The following FAM184A variants were observed in gnomAD, a reference collection of about 807,000 sequenced individuals.
FAM184A encodes protein FAM184A.
Under a neutral mutation model 143.8 loss-of-function variants are expected in FAM184A, and 99 were observed. The ratio of observed to expected loss-of-function variants is 0.69; its 90% CI spans 0.58 to 0.81. The LOEUF is 0.81. FAM184A is among the 40% of genes least tolerant of loss of function. The probability of loss-of-function intolerance (pLI) is 0.00; values close to 1 mark genes in which losing one functional copy is unlikely to be tolerated. For missense variants in FAM184A, 1,217 were observed against 1,310.5 expected (o/e 0.93, Z 1.10); for synonymous variants, 427 against 446.4 (o/e 0.96, Z 0.55).
chr6:118,994,673 G>A (rs1368788510), intron 9 of FAM184A, among the ~76,000 whole-genome samples: 3 of 147,556 alleles, frequency 2.0e-5, no homozygotes, highest in South Asian at 2.2e-4. Flanking sequence ...GCAACAGAGC[G>A]AGACTCCATC....
chr6:119,130,592 TA>T (rs891596194), intron 1 of FAM184A, among the ~76,000 whole-genome samples: 1 of 152,124 alleles, frequency 6.6e-6, no homozygotes, highest in Non-Finnish European at 1.5e-5. Context: ...CCAAGTGATA[TA>T]AAAAAATTAG....
intron 1 of FAM184A, among the ~76,000 whole-genome samples, chr6:119,031,132 T>C (rs1042665809): frequency 4.6e-5 from 7 of 152,200 alleles, no homozygotes; most frequent in Admixed American, 4.6e-4. Flanking sequence ...CCAGGTAAAA[T>C]GTGAACAATT....
At chr6:118,987,732 T>A (rs1784237772) in intron 9 of FAM184A, among the ~76,000 whole-genome samples, 2 of 152,152 alleles carry the variant, frequency 1.3e-5, no homozygotes, top group Admixed American at 6.5e-5. Flanking sequence ...AACAAAAAAA[T>A]TTTACATTTA....
At chr6:118,999,162 C>A (rs1003219324) in intron 9 of FAM184A, among the ~76,000 whole-genome samples, 19 of 152,104 alleles carry the variant, frequency 1.2e-4, no homozygotes, top group Admixed American at 1.2e-3. Context: ...AGTGAACGGA[C>A]GCTAGTTCTA....
At chr6:119,148,109 A>C (rs1361541669) in intron 1 of FAM184A, among the ~76,000 whole-genome samples, 3 of 152,210 alleles carry the variant, frequency 2.0e-5, no homozygotes, top group Middle Eastern at 6.8e-3. Flanking sequence ...CCTGCCTAGC[A>C]ATGAAACTCC....
chr6:119,024,847 G>A (rs745339309), intron 1 of FAM184A, 34 bp from the exon 2 acceptor site: 3 of 1,501,684 alleles, frequency 2.0e-6, no homozygotes, highest in Non-Finnish European at 2.7e-6. Context: ...GAGAAGGATT[G>A]TGAATCCATA....
chr6:118,960,958 A>G (rs1042677760), intron 17 of FAM184A: 2 of 528,390 alleles, frequency 3.8e-6, no homozygotes, highest in Non-Finnish European at 5.8e-6. Flanking sequence ...CATTCTTGCT[A>G]TTTTTTTTGT....
intron 1 of FAM184A, chr6:119,057,904 T>A (rs1468025862): frequency 1.4e-5 from 2 of 146,614 alleles, no homozygotes; most frequent in African/African-American, 5.0e-5. Context: ...TAGTGGGTTA[T>A]CAGAACACAT....
At chr6:119,131,742 CA>C (rs1789541168) in intron 1 of FAM184A, among the ~76,000 whole-genome samples, 1 of 152,124 alleles carries the variant, frequency 6.6e-6, no homozygotes, top group Non-Finnish European at 1.5e-5. Flanking sequence ...CCCAGCCCCC[CA>C]AAGTATTGGG....
intron 9 of FAM184A, among the ~76,000 whole-genome samples, chr6:118,995,397 C>A (rs1012082092): frequency 6.6e-6 from 1 of 152,038 alleles, no homozygotes; most frequent in African/African-American, 2.4e-5. Context: ...CCAGCCTAGG[C>A]AACAGAGTGA....
intron 14 of FAM184A, among the ~76,000 whole-genome samples, chr6:118,970,036 T>C (rs794603): frequency 0.82 from 64,537 of 79,006 alleles, 26,522 homozygotes; most frequent in East Asian, 0.89. Context: ...TGGAGTTTTG[T>C]TCTGTCACCC....
At chr6:119,133,829 A>AT (rs936560552) in intron 1 of FAM184A, among the ~76,000 whole-genome samples, 4 of 151,260 alleles carry the variant, frequency 2.6e-5, no homozygotes, top group East Asian at 2.0e-4. Context: ...ACGATTTTTA[A>AT]TTTTTTTTGT....
chr6:119,023,585 C>G (rs567461573), intron 2 of FAM184A, among the ~76,000 whole-genome samples: 1 of 120,128 alleles, frequency 8.3e-6, no homozygotes, highest in Admixed American at 9.8e-5. Context: ...CGTATTACCT[C>G]GCTAAGCTCA....
At chr6:119,059,823 T>C (rs953944708) in intron 1 of FAM184A, among the ~76,000 whole-genome samples, 5 of 152,234 alleles carry the variant, frequency 3.3e-5, no homozygotes, top group African/African-American at 1.2e-4. Context: ...AAAATGGCTA[T>C]ATTGAGTTTT....
intron 15 of FAM184A, among the ~76,000 whole-genome samples, chr6:118,965,637 AAATCACT>A (rs1188831705): frequency 6.6e-6 from 1 of 152,154 alleles, no homozygotes; most frequent in East Asian, 1.9e-4. Context: ...ACTGTCATTC[AAATCACT>A]AATCTTGACC....
intron 1 of FAM184A, among the ~76,000 whole-genome samples, chr6:119,102,546 G>A (rs779002949): frequency 1.3e-5 from 2 of 152,018 alleles, no homozygotes; most frequent in Non-Finnish European, 2.9e-5. Flanking sequence ...ACAGCACTTT[G>A]GAAGGCCGAG....
intron 1 of FAM184A, among the ~76,000 whole-genome samples, chr6:119,073,019 T>C (rs1467032424): frequency 1.3e-5 from 2 of 152,208 alleles, no homozygotes; most frequent in Non-Finnish European, 2.9e-5. Context: ...TAAGGTTACA[T>C]GTAATAAAAG....
chr6:118,979,879 C>T (rs1431679481), intron 10 of FAM184A, among the ~76,000 whole-genome samples: 1 of 141,200 alleles, frequency 7.1e-6, no homozygotes, highest in African/African-American at 2.7e-5. Flanking sequence ...CCTGTTTCTA[C>T]AAAAAAAAAA....
chr6:119,131,511 G>A (rs62418767), intron 1 of FAM184A, among the ~76,000 whole-genome samples: 1 of 151,942 alleles, frequency 6.6e-6, no homozygotes, highest in Admixed American at 6.6e-5. Flanking sequence ...TTTTGGAGAG[G>A]GTCTTGCTCT....
Sources: gnomAD v4.1 joint callset for allele counts (sites outside exome capture counted in the v4.1 genomes callset) on GRCh38, gnomAD v4.1.1 for gene constraint, MANE v1.5 for transcripts, NCBI Gene and HGNC (gene_info 2026-07-23, HGNC 2026-07-21) for gene names.